Variants in SLX4IP observed in about 807,000 individuals in gnomAD.
The protein encoded by SLX4IP is protein SLX4IP.
A neutral mutation model predicts 32.9 loss-of-function variants in SLX4IP; 34 were observed. The observed-to-expected ratio is 1.03, with a 90% CI of 0.79 to 1.38. The LOEUF (loss-of-function observed/expected upper bound fraction) is 1.38, where lower values mean the gene tolerates loss of function less well. SLX4IP is among the 40% of genes most tolerant of loss of function. The pLI is 0.00. For synonymous variants in SLX4IP, 172 were observed against 171.7 expected (o/e 1.00, Z -0.01); for missense variants, 444 against 479.0 (o/e 0.93, Z 0.68).
intron 1 of SLX4IP, among the ~76,000 whole-genome samples, chr20:10,439,258 G>C (rs2065141647): frequency 6.6e-6 from 1 of 151,888 alleles, no homozygotes; most frequent in African/African-American, 2.4e-5. Context: ...TCTCAGGCTG[G>C]AGTGCAGTGG....
At position 10,616,828 on chromosome 20, in the gene SLX4IP, A is replaced by G. The variant is rs192042448; in HGVS notation, c.406-4486A>G. On this transcript the variant is annotated intron_variant, in intron 6 of 7. Coordinates refer to ENST00000334534, the MANE Select transcript of SLX4IP (RefSeq NM_001009608.3). ...CCTCATAACATCATAACCACCTGAC[A>G]TACGTTTATTTGTTTGTTTGTTGTC... Among the ~76,000 whole-genome samples the G allele has an allele frequency of 6.5e-3, 986 of 152,184 alleles. 10 individuals are homozygous for G. Among genetic ancestry groups the G allele is most frequent in the South Asian group, 0.021 (101 of 4,828 alleles).
intron 4 of SLX4IP, among the ~76,000 whole-genome samples, chr20:10,565,681 G>A (rs1230423148): frequency 6.6e-6 from 1 of 152,244 alleles, no homozygotes; most frequent in African/African-American, 2.4e-5. Context: ...ACAATTTTGA[G>A]TGGGTGGACA....
At chr20:10,476,473 C>G (rs1184443586) in intron 2 of SLX4IP, among the ~76,000 whole-genome samples, 2 of 152,182 alleles carry the variant, frequency 1.3e-5, no homozygotes, top group Non-Finnish European at 2.9e-5. Context: ...AGTAGTACTG[C>G]TAGCCATTGT....
intron 4 of SLX4IP, among the ~76,000 whole-genome samples, chr20:10,565,904 A>G (rs771773711): frequency 1.3e-5 from 2 of 152,334 alleles, no homozygotes; most frequent in Non-Finnish European, 1.5e-5. Flanking sequence ...CTTCTAGTTC[A>G]TTCCCAGCCC....
At chr20:10,453,094 A>C (rs554027590) in intron 1 of SLX4IP, among the ~76,000 whole-genome samples, 1 of 152,300 alleles carries the variant, frequency 6.6e-6, no homozygotes, top group South Asian at 2.1e-4. Flanking sequence ...TATCATCGTA[A>C]GCATAATATT....
At chr20:10,613,403 TAC>T in intron 6 of SLX4IP, 1 of 1,543,132 alleles carries the variant, frequency 6.5e-7, no homozygotes, top group Non-Finnish European at 8.9e-7. Context: ...GGCATCAATT[TAC>T]ACCTAAGGAC....
chr20:10,614,072 C>T (rs2066999029), intron 6 of SLX4IP: 1 of 1,542,966 alleles, frequency 6.5e-7, no homozygotes, highest in African/African-American at 1.4e-5. Flanking sequence ...CCTTGTCGCC[C>T]TCGCCCACCC....
At chr20:10,517,184 G>T (rs6040001) in intron 2 of SLX4IP, among the ~76,000 whole-genome samples, 86,748 of 151,606 alleles carry the variant, frequency 0.57, 25,406 homozygotes, top group South Asian at 0.72. Flanking sequence ...GTTTCCATAG[G>T]TACCATACCA....
At chr20:10,592,420 T>C (rs2066720230) in intron 4 of SLX4IP, among the ~76,000 whole-genome samples, 1 of 151,832 alleles carries the variant, frequency 6.6e-6, no homozygotes, top group East Asian at 1.9e-4. Context: ...CCATCAAGGC[T>C]TTTTCATAGG....
At chr20:10,446,286 C>G (rs564710090) in intron 1 of SLX4IP, among the ~76,000 whole-genome samples, 1 of 151,796 alleles carries the variant, frequency 6.6e-6, no homozygotes, top group Non-Finnish European at 1.5e-5. Flanking sequence ...GTGGCAGGCA[C>G]CTGTAATCCC....
At chr20:10,602,766 C>G (rs1172181749) in intron 6 of SLX4IP, among the ~76,000 whole-genome samples, 1 of 152,022 alleles carries the variant, frequency 6.6e-6, no homozygotes, top group Non-Finnish European at 1.5e-5. Flanking sequence ...GAAATTTGGC[C>G]CACATCATCT....
intron 2 of SLX4IP, among the ~76,000 whole-genome samples, chr20:10,525,431 A>G (rs1354258186): frequency 6.6e-6 from 1 of 152,098 alleles, no homozygotes; most frequent in East Asian, 1.9e-4. Context: ...TTTCCCTTCC[A>G]TAGTTGTATT....
chr20:10,582,566 GTATGTATCTATAAC>G (rs965935731), intron 4 of SLX4IP, among the ~76,000 whole-genome samples: 2 of 152,060 alleles, frequency 1.3e-5, no homozygotes, highest in African/African-American at 4.8e-5. Flanking sequence ...AGATGTGTGT[GTATGTATCTATAAC>G]TATGTATCTA....
At chr20:10,500,449 T>C (rs973399091) in intron 2 of SLX4IP, among the ~76,000 whole-genome samples, 1 of 152,064 alleles carries the variant, frequency 6.6e-6, no homozygotes, top group Non-Finnish European at 1.5e-5. Context: ...GTGGTTCTCT[T>C]CATGTGTGGA....
chr20:10,617,775 A>T (rs1482440987), intron 6 of SLX4IP, among the ~76,000 whole-genome samples: 2 of 149,310 alleles, frequency 1.3e-5, no homozygotes, highest in African/African-American at 5.0e-5. Flanking sequence ...CAGCCTGCTG[A>T]GTAGCTGGGA....
At chr20:10,540,109 TTCC>T (rs1359526738) in intron 2 of SLX4IP, among the ~76,000 whole-genome samples, 2 of 103,854 alleles carry the variant, frequency 1.9e-5, no homozygotes, top group East Asian at 5.8e-4. Context: ...CCTTCCTTCC[TTCC>T]TTCCTTCCTT....
At chr20:10,451,452 G>A (rs537385221) in intron 1 of SLX4IP, among the ~76,000 whole-genome samples, 2 of 152,046 alleles carry the variant, frequency 1.3e-5, no homozygotes, top group East Asian at 1.9e-4. Context: ...GAACCACCGC[G>A]CCTGGCCGTG....
At chr20:10,564,828 C>G (rs1422627710) in intron 4 of SLX4IP, among the ~76,000 whole-genome samples, 8 of 152,118 alleles carry the variant, frequency 5.3e-5, no homozygotes, top group Admixed American at 5.2e-4. Context: ...ACTGTCAATT[C>G]CCATCAATTC....
At chr20:10,582,165 G>A (rs1016352770) in intron 4 of SLX4IP, among the ~76,000 whole-genome samples, 20 of 152,182 alleles carry the variant, frequency 1.3e-4, no homozygotes, top group Middle Eastern at 3.2e-3. Flanking sequence ...ACAGGGCTGT[G>A]TGTACTCCTG....
Sources: gnomAD v4.1 joint callset for allele counts (sites outside exome capture counted in the v4.1 genomes callset) on GRCh38, gnomAD v4.1.1 for gene constraint, MANE v1.5 for transcripts, NCBI Gene and HGNC (gene_info 2026-07-23, HGNC 2026-07-21) for gene names.